Variants in SULF1 observed in about 807,000 individuals in gnomAD.
SULF1 encodes the protein sulfatase 1.
In SULF1, 46 loss-of-function variants were observed where a neutral mutation model predicts 110.5. The observed-to-expected ratio is 0.42, with a 90% CI of 0.33 to 0.53. The LOEUF is 0.53. Ranked by LOEUF, SULF1 falls within the 20% of genes least tolerant of loss-of-function variation. The pLI, the probability that SULF1 is intolerant of heterozygous loss-of-function variation, is 0.12. For missense variants in SULF1, 941 were observed against 1,094.2 expected (o/e 0.86, Z 1.98); for synonymous variants, 371 against 387.1 (o/e 0.96, Z 0.49).
At chr8:69,482,043 A>G (rs572673238) in intron 1 of SULF1, among the ~76,000 whole-genome samples, 229 of 152,302 alleles carry the variant, frequency 1.5e-3, no homozygotes, top group Non-Finnish European at 2.6e-3. Flanking sequence ...ACCTTGCCTC[A>G]AACATGGTCA....
At chr8:69,561,736 A>G (rs549214053) in intron 3 of SULF1, among the ~76,000 whole-genome samples, 5 of 152,308 alleles carry the variant, frequency 3.3e-5, no homozygotes, top group African/African-American at 4.8e-5. Flanking sequence ...TTGAGAGGTG[A>G]GCAAAGTTTT....
At position 69,658,736 on chromosome 8, in the gene SULF1, A is replaced by C. The variant is rs1232923061; in HGVS notation, c.*201A>C. On this transcript the variant is annotated 3_prime_UTR_variant, in exon 23 of 23. Transcript: ENST00000402687. The stretch of plus-strand genomic sequence containing the variant: ...AAAACAAATAAGACTCAAACTGCTC[A>C]AAGTGACGGGTTCTTGGTTGTCTCT... 1.5e-6 allele frequency: 1 copy of C among 676,022 alleles called. No homozygotes were observed. The highest frequency in any genetic ancestry group is 2.0e-5 in the Admixed American group (1 of 49,040). The allele number at this position is 676,022 out of a possible 1,614,324, so 41.9% of individuals were successfully genotyped here.
intron 13 of SULF1, among the ~76,000 whole-genome samples, chr8:69,613,897 G>A (rs543263227): frequency 7.2e-5 from 11 of 151,866 alleles, no homozygotes; most frequent in South Asian, 4.2e-4. Context: ...TTATTTTATC[G>A]GATGTGGAAT....
chr8:69,535,701 C>A lies in SULF1; in HGVS notation c.-133-27838C>A, dbSNP rs16936029. On this transcript the variant is annotated intron_variant, in intron 3 of 22. Coordinates refer to ENST00000402687, the MANE Select transcript of SULF1 (RefSeq NM_001128205.2). ...AGCAGGTATTAGAAAATGTATGCCA[C>A]CTACCAAGGAACAACACAACCACCC... Among the ~76,000 whole-genome samples, 522 of 152,162 alleles carry A rather than the reference C, an allele frequency of 3.4e-3. 3 individuals carry two copies. The highest frequency in any genetic ancestry group is 0.012 in the African/African-American group (496 of 41,498).
chr8:69,496,194 A>G (rs977281922), intron 2 of SULF1, among the ~76,000 whole-genome samples: 2 of 152,254 alleles, frequency 1.3e-5, no homozygotes, highest in Non-Finnish European at 2.9e-5. Context: ...TTTCTTATAA[A>G]AGGGGCTTAG....
chr8:69,513,432 G>A (rs1355717803), intron 3 of SULF1, among the ~76,000 whole-genome samples: 1 of 152,176 alleles, frequency 6.6e-6, no homozygotes, highest in Non-Finnish European at 1.5e-5. Flanking sequence ...GAACTCCATG[G>A]AATAATGAAT....
chr8:69,601,969 A>G, intron 10 of SULF1, 140 bp downstream of exon 10: 1 of 852,846 alleles, frequency 1.2e-6, no homozygotes, highest in Non-Finnish European at 1.7e-6. Context: ...TTCGAAGATG[A>G]AAACCTTTTC....
At chr8:69,486,119 GGGCATAT>G (rs1415701488) in intron 1 of SULF1, among the ~76,000 whole-genome samples, 1 of 151,684 alleles carries the variant, frequency 6.6e-6, no homozygotes, top group Non-Finnish European at 1.5e-5. Flanking sequence ...TCCCTGGAAA[GGGCATAT>G]GCTTTTTGCT....
chr8:69,580,693 A>G (rs1301876787), intron 6 of SULF1, among the ~76,000 whole-genome samples: 2 of 152,216 alleles, frequency 1.3e-5, no homozygotes, highest in East Asian at 3.8e-4. Flanking sequence ...TATGAGTTAA[A>G]TCTTAATCAC....
intron 19 of SULF1, among the ~76,000 whole-genome samples, chr8:69,636,595 C>T (rs1006732468): frequency 6.6e-6 from 1 of 152,036 alleles, no homozygotes; most frequent in Non-Finnish European, 1.5e-5. Context: ...GCATTTTCTA[C>T]GTTCTGCTGG....
intron 5 of SULF1, among the ~76,000 whole-genome samples, chr8:69,573,384 T>C (rs1805379657): frequency 6.6e-6 from 1 of 152,204 alleles, no homozygotes; most frequent in Non-Finnish European, 1.5e-5. Flanking sequence ...TTTTATATTA[T>C]TTTGACTTTA....
At chr8:69,551,959 G>A (rs1008735714) in intron 3 of SULF1, among the ~76,000 whole-genome samples, 1 of 152,164 alleles carries the variant, frequency 6.6e-6, no homozygotes, top group African/African-American at 2.4e-5. Flanking sequence ...GGACATGGTG[G>A]TGCACACCTG....
At chr8:69,571,476 C>T (rs1297517574) in intron 5 of SULF1, among the ~76,000 whole-genome samples, 2 of 152,236 alleles carry the variant, frequency 1.3e-5, no homozygotes, top group Non-Finnish European at 2.9e-5. Flanking sequence ...AGGGCTCTTT[C>T]CCTTCTCATC....
At position 69,635,597 on chromosome 8, in the gene SULF1, T is replaced by C. The variant is rs141936817; in HGVS notation, c.2285-2905T>C. On this transcript the variant is annotated intron_variant, in intron 19 of 22. Transcript: ENST00000402687. ...AATTAAGAGTAAACTCTTGCCCGGGTGTGGTGGCTCACGCCTGTAAGCCCA... is the reference window on the plus strand; with the variant it reads ...AATTAAGAGTAAACTCTTGCCCGGGCGTGGTGGCTCACGCCTGTAAGCCCA... Among the ~76,000 whole-genome samples, 915 of 152,220 alleles carry C rather than the reference T, an allele frequency of 6.0e-3. 12 individuals are homozygous for C. Among genetic ancestry groups the C allele is most frequent in the African/African-American group, 0.021 (859 of 41,540 alleles).
chr8:69,524,883 G>A (rs1044062350), intron 3 of SULF1, among the ~76,000 whole-genome samples: 6 of 152,128 alleles, frequency 3.9e-5, no homozygotes, highest in African/African-American at 7.2e-5. Context: ...CAATTTACAC[G>A]TAGATGGTCT....
At position 69,624,166 on chromosome 8, in the gene SULF1, G is replaced by C; in HGVS notation, c.1819G>C (p.Gly607Arg). ...RMLADSSNAV[G>R]PPTTVRVTHK... ...GCTGGCAGATAGCAGCAACGCCGTGGGCCCACCTACCACTGTCCGAGTGAC... is the reference window on the plus strand; with the variant it reads ...GCTGGCAGATAGCAGCAACGCCGTGCGCCCACCTACCACTGTCCGAGTGAC... Residue 607 changes from glycine to arginine, a missense_variant, in exon 15 of 23, where the codon GGC becomes CGC. By Grantham distance (125) the Gly-to-Arg change is moderately radical. This residue lies in a region of SULF1 where 822 missense variants were observed against 934.3 expected (regional missense o/e 0.88). Coordinates refer to ENST00000402687, the MANE Select transcript of SULF1 (RefSeq NM_001128205.2). 5 of 1,607,776 alleles carry C rather than the reference G, an allele frequency of 3.1e-6. No individual in the cohort carries two copies. Among genetic ancestry groups the C allele is most frequent in the Non-Finnish European group, 4.3e-6 (5 of 1,176,150 alleles).
Position 69,563,950 on chromosome 8 carries a change from A to C in SULF1, c.-26A>C, listed in dbSNP as rs1815687627. 1.2e-6 allele frequency: 2 copies of C among 1,605,324 alleles called. No individual in the cohort carries two copies. The highest frequency in any genetic ancestry group is 1.7e-6 in the Non-Finnish European group (2 of 1,172,746). ...AATCAGGAGACGGAGACATTTTGTCAGTTTTGCAACATTGGACCAAATACA... is the reference window on the plus strand; with the variant it reads ...AATCAGGAGACGGAGACATTTTGTCCGTTTTGCAACATTGGACCAAATACA... On this transcript the variant is annotated 5_prime_UTR_variant, in exon 5 of 23. Coordinates refer to ENST00000402687, the MANE Select transcript of SULF1 (RefSeq NM_001128205.2).
At chr8:69,533,438 G>T (rs566301891) in intron 3 of SULF1, among the ~76,000 whole-genome samples, 1 of 152,076 alleles carries the variant, frequency 6.6e-6, no homozygotes, top group South Asian at 2.1e-4. Context: ...GGTGTGTGTT[G>T]TTCCCCTTCC....
chr8:69,498,481 A>G (rs777082522), intron 2 of SULF1, among the ~76,000 whole-genome samples: 3 of 152,202 alleles, frequency 2.0e-5, no homozygotes, highest in African/African-American at 7.2e-5. Context: ...CTGTGATCCC[A>G]TAAGATGGAG....
Sources: allele counts gnomAD v4.1 joint callset (sites outside exome capture counted in the v4.1 genomes callset), GRCh38; gene constraint gnomAD v4.1.1; regional missense constraint gnomAD v4.1.1; transcripts MANE v1.5; gene names NCBI Gene and HGNC (gene_info 2026-07-23, HGNC 2026-07-21).